The following TMEM51 variants were observed in gnomAD, a reference collection of about 807,000 sequenced individuals.
The protein encoded by TMEM51 is chromosome 1 open reading frame 72.
In TMEM51, 8 loss-of-function variants were observed where a neutral mutation model predicts 13.6. The ratio of observed to expected loss-of-function variants is 0.59; its 90% CI spans 0.35 to 1.07. The LOEUF (loss-of-function observed/expected upper bound fraction) is 1.07. TMEM51 is among the 50% of genes least tolerant of loss of function. The pLI, the probability that TMEM51 is intolerant of heterozygous loss-of-function variation, is 0.02. For missense variants in TMEM51, 279 were observed against 330.7 expected (o/e 0.84, Z 1.21); for synonymous variants, 147 against 144.4 (o/e 1.02, Z -0.13).
intron 1 of TMEM51, among the ~76,000 whole-genome samples, chr1:15,174,068 T>C (rs555172571): frequency 6.6e-6 from 1 of 152,260 alleles, no homozygotes; most frequent in Admixed American, 6.5e-5. Context: ...AAAACAGGGT[T>C]TTGCAGTTCC....
At position 15,219,306 on chromosome 1, in the gene TMEM51, G is replaced by A. The variant is rs781662532; in HGVS notation, c.345-20G>A. On this transcript the variant is annotated intron_variant, in intron 3 of 3. Coordinates refer to ENST00000376008, the MANE Select transcript of TMEM51 (RefSeq NM_001136218.2). ...TTGAGCACAGGCTAACACTCTCCCTGTCTGTGTGTCTTCTTGCAGCCAGGA... is the reference window on the plus strand; with the variant it reads ...TTGAGCACAGGCTAACACTCTCCCTATCTGTGTGTCTTCTTGCAGCCAGGA... 3.8e-6 allele frequency: 6 copies of A among 1,560,372 alleles called. No homozygotes were observed. Among genetic ancestry groups the A allele is most frequent in the South Asian group, 1.2e-5 (1 of 81,810 alleles).
chr1:15,219,807 A>C lies in TMEM51; in HGVS notation c.*64A>C. 2.6e-6 allele frequency: 4 copies of C among 1,535,504 alleles called. No homozygotes were observed. The highest frequency in any genetic ancestry group is 3.5e-6 in the Non-Finnish European group (4 of 1,134,204). ...ACCTTTCACCCCCAAGACTCTAACAAAGCCACATGAGCCACAGTTGAGAAG... is the reference window on the plus strand; with the variant it reads ...ACCTTTCACCCCCAAGACTCTAACACAGCCACATGAGCCACAGTTGAGAAG... On this transcript the variant is annotated 3_prime_UTR_variant, in exon 4 of 4. Coordinates refer to ENST00000376008, the MANE Select transcript of TMEM51 (RefSeq NM_001136218.2).
chr1:15,214,514 C>A (rs1305490596), intron 2 of TMEM51, among the ~76,000 whole-genome samples: 2 of 152,212 alleles, frequency 1.3e-5, no homozygotes, highest in Non-Finnish European at 2.9e-5. Context: ...GAGTCTGTTA[C>A]AACCATCGAT....
At chr1:15,168,725 A>G in intron 1 of TMEM51, 1 of 1,304,522 alleles carries the variant, frequency 7.7e-7, no homozygotes. Context: ...AGTGACTGGG[A>G]ACGTCTCACA....
chr1:15,154,030 G>A (rs1024822713), intron 1 of TMEM51, 76 bp downstream of exon 1: 3 of 152,164 alleles, frequency 2.0e-5, no homozygotes, highest in African/African-American at 4.8e-5. Flanking sequence ...GCCGTGTAAG[G>A]GGGCCGAGGC....
intron 1 of TMEM51, among the ~76,000 whole-genome samples, chr1:15,204,615 C>T (rs978837848): frequency 3.3e-5 from 5 of 152,198 alleles, no homozygotes; most frequent in African/African-American, 9.7e-5. Context: ...TGAATGAGGA[C>T]GGCCTAAACA....
At chr1:15,183,625 T>C (rs1432741604) in intron 1 of TMEM51, among the ~76,000 whole-genome samples, 36 of 152,244 alleles carry the variant, frequency 2.4e-4, no homozygotes, top group Admixed American at 2.4e-3. Flanking sequence ...CCAATACTAT[T>C]TTCTGAGTGC....
At chr1:15,200,957 G>T (rs979852435) in intron 1 of TMEM51, among the ~76,000 whole-genome samples, 1 of 152,132 alleles carries the variant, frequency 6.6e-6, no homozygotes, top group Non-Finnish European at 1.5e-5. Flanking sequence ...TGGGGGGCCC[G>T]GGAGGCACCA....
intron 1 of TMEM51, among the ~76,000 whole-genome samples, chr1:15,163,004 A>G (rs1324741947): frequency 6.6e-6 from 1 of 151,968 alleles, no homozygotes; most frequent in Admixed American, 6.5e-5. Flanking sequence ...TGGTTAAGAT[A>G]GTCAACTTTA....
upstream of TMEM51, among the ~76,000 whole-genome samples, chr1:15,153,551 C>T (rs1023016238): frequency 6.6e-6 from 1 of 152,196 alleles, no homozygotes; most frequent in African/African-American, 2.4e-5. Flanking sequence ...ACGCTCAGCG[C>T]GCTCCAGCGG....
rs56177081 is a variant in TMEM51, at chr1:15,184,781, A to G, written c.-266-25709A>G. Among the ~76,000 whole-genome samples, 558 of 152,176 alleles carry G rather than the reference A, an allele frequency of 3.7e-3. 5 individuals are homozygous for G. The highest frequency in any genetic ancestry group is 0.013 in the African/African-American group (539 of 41,496). ...TTAATTTTTTAAAACTCAATAGTAT[A>G]GAGTATAGAGCTCTCAAGCAGGGGT... On this transcript the variant is annotated intron_variant, in intron 1 of 3. Transcript: ENST00000376008.
At position 15,207,221 on chromosome 1, in the gene TMEM51, C is replaced by T. The variant is rs906571260; in HGVS notation, c.-266-3269C>T. Among the ~76,000 whole-genome samples the T allele has an allele frequency of 6.6e-5, 10 of 152,184 alleles. No homozygotes were observed. Among genetic ancestry groups the T allele is most frequent in the Admixed American group, 4.6e-4 (7 of 15,282 alleles). The stretch of plus-strand genomic sequence containing the variant: ...TCATGGGGGTTGGTAGCACCGCCAG[C>T]CGCCTCCGACTGGCAAGACCTCCTC... On this transcript the variant is annotated intron_variant, in intron 1 of 3. Transcript: ENST00000376008. The surrounding 1 kb of genome is among the most constrained non-coding windows in gnomAD (Gnocchi z 4.6).
chr1:15,189,672 C>T (rs552489452), intron 1 of TMEM51, among the ~76,000 whole-genome samples: 1 of 152,184 alleles, frequency 6.6e-6, no homozygotes, highest in African/African-American at 2.4e-5. Context: ...ATCTCCACTC[C>T]CTTCCCTCCT....
chr1:15,194,282 C>T (rs1644000628), intron 1 of TMEM51, among the ~76,000 whole-genome samples: 1 of 152,190 alleles, frequency 6.6e-6, no homozygotes, highest in Non-Finnish European at 1.5e-5. Context: ...CAAAATATGT[C>T]AACATGAAAT....
chr1:15,164,790 C>CTTTT (rs55802835), intron 1 of TMEM51, among the ~76,000 whole-genome samples: 3 of 126,462 alleles, frequency 2.4e-5, no homozygotes, highest in South Asian at 2.5e-4. Context: ...GGGAGCTTTG[C>CTTTT]TTTTTTTTTT....
intron 2 of TMEM51, among the ~76,000 whole-genome samples, chr1:15,212,480 A>G (rs535910916): frequency 2.9e-5 from 4 of 135,732 alleles, no homozygotes; most frequent in Admixed American, 1.5e-4. Context: ...CCACACTCTC[A>G]GCGTCCCACG....
chr1:15,185,940 T>A (rs1259449567), intron 1 of TMEM51, among the ~76,000 whole-genome samples: 1 of 152,184 alleles, frequency 6.6e-6, no homozygotes, highest in Admixed American at 6.5e-5. Context: ...GAACCATGTC[T>A]ACCCCATTAG....
intron 3 of TMEM51, among the ~76,000 whole-genome samples, chr1:15,217,632 G>C (rs1213584166): frequency 6.6e-6 from 1 of 152,162 alleles, no homozygotes; most frequent in Non-Finnish European, 1.5e-5. Context: ...AGAACGAGGA[G>C]AGGTGAGGGT....
intron 1 of TMEM51, chr1:15,192,317 G>T: frequency 2.8e-6 from 1 of 362,950 alleles, no homozygotes; most frequent in Non-Finnish European, 5.5e-6. Context: ...TCTTGAAAGT[G>T]GAATATCTTC....
Sources: gnomAD v4.1 joint callset for allele counts (sites outside exome capture counted in the v4.1 genomes callset) on GRCh38, gnomAD v4.1.1 for gene constraint, Gnocchi (gnomAD v3.1) non-coding constraint, MANE v1.5 for transcripts, NCBI Gene and HGNC (gene_info 2026-07-23, HGNC 2026-07-21) for gene names.